Variants in SLK observed in about 807,000 individuals in gnomAD.
SLK encodes STE20 like kinase, also known as STE20-like serine/threonine-protein kinase.
SLK carries 67 observed loss-of-function variants against 147.7 expected under a neutral mutation model. The observed-to-expected ratio is 0.45, with a 90% CI of 0.37 to 0.56. The LOEUF (loss-of-function observed/expected upper bound fraction) is 0.56. Among genes scored for constraint, SLK ranks in the 20% least tolerant of loss-of-function variants. SLK has a pLI of 0.00. For synonymous variants in SLK, 441 were observed against 475.0 expected (o/e 0.93, Z 0.93); for missense variants, 1,136 against 1,438.8 (o/e 0.79, Z 3.41).
intron 4 of SLK, among the ~76,000 whole-genome samples, chr10:103,994,147 C>G (rs1489878749): frequency 6.6e-6 from 1 of 152,122 alleles, no homozygotes; most frequent in East Asian, 1.9e-4. Flanking sequence ...ATTCTTCTGC[C>G]TTGGGCCTCC....
At chr10:104,014,422 A>G (rs910303430) in intron 13 of SLK, among the ~76,000 whole-genome samples, 6 of 152,168 alleles carry the variant, frequency 3.9e-5, no homozygotes, top group Non-Finnish European at 5.9e-5. Context: ...TTTGTTTGTG[A>G]CGTCTGATAT....
rs986721850 is a variant in SLK at position 104,025,814 on chromosome 10, A to G, written c.*94A>G. The G allele has an allele frequency of 6.5e-6, 7 of 1,071,686 alleles. No individual in the cohort carries two copies. In the South Asian group the frequency reaches 1.2e-4, roughly 18 times the overall value. 66.4% of individuals were successfully genotyped at this position (1,071,686 alleles called of 1,614,324 possible). ...AGTCTCTCAGATAGCTCATGAAGACAATCACCTGCCTCACCTTCTAGGTGT... is the reference window on the plus strand; with the variant it reads ...AGTCTCTCAGATAGCTCATGAAGACGATCACCTGCCTCACCTTCTAGGTGT... On this transcript the variant is annotated 3_prime_UTR_variant, in exon 19 of 19. Transcript: ENST00000369755.
At chr10:104,000,626 G>A (rs805653) in intron 7 of SLK, among the ~76,000 whole-genome samples, 32,476 of 152,062 alleles carry the variant, frequency 0.21, 3,846 homozygotes, top group African/African-American at 0.32. Flanking sequence ...ACAAAGATGA[G>A]TAAAATGGCT....
chr10:103,976,526 G>A (rs10883958), intron 1 of SLK, among the ~76,000 whole-genome samples: 114,233 of 151,630 alleles, frequency 0.75, 43,577 homozygotes, highest in East Asian at 0.86. Flanking sequence ...GCCTTTTTAT[G>A]TGCTTATTCA....
chr10:103,984,588 A>G (rs939519927), intron 1 of SLK, among the ~76,000 whole-genome samples: 6 of 151,926 alleles, frequency 3.9e-5, no homozygotes, highest in African/African-American at 1.2e-4. Flanking sequence ...TAATTTTTGT[A>G]TTTTTTGGTA....
intron 6 of SLK, 27 bp from the exon 7 acceptor site, chr10:103,999,840 A>G: frequency 1.1e-6 from 1 of 940,122 alleles, no homozygotes. Flanking sequence ...AAAGTAAAAT[A>G]GAATGTTGTT....
At chr10:103,995,423 C>CTTTTTTTTTTTTTTTTTTTTTTTTTTTT (rs756975426) in intron 4 of SLK, among the ~76,000 whole-genome samples, 4 of 67,708 alleles carry the variant, frequency 5.9e-5, no homozygotes, top group Non-Finnish European at 1.1e-4. Context: ...TCTTTCTTTT[C>CTTTTTTTTTTTTTTTTTTTTTTTTTTTT]TTTTTTTTTT....
intron 1 of SLK, among the ~76,000 whole-genome samples, chr10:103,977,407 T>G (rs1843885577): frequency 6.6e-6 from 1 of 152,106 alleles, no homozygotes; most frequent in South Asian, 2.1e-4. Context: ...GCCCAGGAAT[T>G]CAAGAACAGC....
Position 104,002,862 on chromosome 10 carries a change from G to C in SLK, c.1684G>C (p.Asp562His), listed in dbSNP as rs767100772. The change falls in exon 9 of 19, where the codon GAT (aspartate) becomes CAT (histidine). Residue 562 changes from aspartate to histidine, a missense_variant. This residue lies in a region of SLK where 516 missense variants were observed against 531.3 expected (regional missense o/e 0.97). Transcript: ENST00000369755. ...CEAADVAQKV[D>H]EDSAEDTQSN... ...GGCAGCAGATGTGGCTCAGAAAGTGGATGAAGACAGTGCTGAGGATACGCA... is the reference window on the plus strand; with the variant it reads ...GGCAGCAGATGTGGCTCAGAAAGTGCATGAAGACAGTGCTGAGGATACGCA... 3 of 1,613,982 alleles carry C rather than the reference G, an allele frequency of 1.9e-6. No homozygotes were observed. The highest frequency in any genetic ancestry group is 2.5e-6 in the Non-Finnish European group (3 of 1,180,020).
chr10:103,982,418 A>G (rs993101589), intron 1 of SLK, among the ~76,000 whole-genome samples: 6 of 152,220 alleles, frequency 3.9e-5, no homozygotes, highest in African/African-American at 1.2e-4. Flanking sequence ...TTGTTGCTAT[A>G]TTTTGACTGA....
intron 1 of SLK, among the ~76,000 whole-genome samples, chr10:103,973,298 C>T (rs922964446): frequency 6.6e-6 from 1 of 152,120 alleles, no homozygotes; most frequent in Non-Finnish European, 1.5e-5. Context: ...AAAATAATTC[C>T]CCACTGCTCT....
At position 104,003,117 on chromosome 10, in the gene SLK, A is replaced by G. The variant is rs1448373019; in HGVS notation, c.1939A>G (p.Ser647Gly). ...AGGTGAAGAAATCACTGAGTCAAGTAGCACTGAAGAAATGGAGGTCAGAAG... is the reference window on the plus strand; with the variant it reads ...AGGTGAAGAAATCACTGAGTCAAGTGGCACTGAAGAAATGGAGGTCAGAAG... ...TEGEEITESS[S>G]TEEMEVRSVV... is the part of the protein sequence containing the mutation. Residue 647 changes from serine to glycine, a missense_variant, in exon 9 of 19, where the codon AGC (serine) becomes GGC (glycine). Physicochemically the swap from Ser to Gly is moderately conservative, Grantham distance 56 (BLOSUM62 0). Transcript: ENST00000369755. 1.2e-6 allele frequency: 2 copies of G among 1,614,200 alleles called. No individual in the cohort carries two copies. The highest frequency in any genetic ancestry group is 1.7e-6 in the Non-Finnish European group (2 of 1,180,026).
chr10:104,025,737 G>T lies in SLK; in HGVS notation c.*17G>T, dbSNP rs1257476590. On this transcript the variant is annotated 3_prime_UTR_variant, in exon 19 of 19. Coordinates refer to ENST00000369755, the MANE Select transcript of SLK (RefSeq NM_014720.4). ...GGATCATAACAAAGGGAAGCATTCT[G>T]TGCGTGGGTTTGGCTCTTTCAGTAT... 6.2e-7 allele frequency: 1 copy of T among 1,612,502 alleles called. No homozygotes were observed. The highest frequency in any genetic ancestry group is 2.2e-5 in the East Asian group (1 of 44,856).
intron 4 of SLK, among the ~76,000 whole-genome samples, chr10:103,995,857 G>A (rs1349357377): frequency 6.6e-6 from 1 of 152,178 alleles, no homozygotes; most frequent in African/African-American, 2.4e-5. Context: ...AAAGGACAGA[G>A]CTAGAACCCT....
intron 1 of SLK, among the ~76,000 whole-genome samples, chr10:103,973,799 T>C (rs935208169): frequency 1.3e-5 from 2 of 152,232 alleles, no homozygotes; most frequent in African/African-American, 4.8e-5. Context: ...ATGGAAAACA[T>C]ATTTTTTAAG....
At chr10:104,007,185 T>C (rs1844338234) in intron 11 of SLK, among the ~76,000 whole-genome samples, 1 of 152,142 alleles carries the variant, frequency 6.6e-6, no homozygotes, top group Non-Finnish European at 1.5e-5. Flanking sequence ...TCAAATAAGC[T>C]CTTTGATTTA....
At chr10:103,989,749 T>G (rs931792076) in intron 1 of SLK, among the ~76,000 whole-genome samples, 4 of 152,308 alleles carry the variant, frequency 2.6e-5, no homozygotes, top group Non-Finnish European at 5.9e-5. Flanking sequence ...ATTACAGGCG[T>G]GAGCCACCGC....
Position 104,026,463 on chromosome 10 carries a change from T to G in SLK, c.*743T>G, listed in dbSNP as rs994586577. Reference sequence around the variant, plus strand: ...TGGAATTTTTGCTTCTCTTACCGTTTGATAGAAATTTTCATCCTAAAATAC... The same window carrying G: ...TGGAATTTTTGCTTCTCTTACCGTTGGATAGAAATTTTCATCCTAAAATAC... On this transcript the variant is annotated 3_prime_UTR_variant, in exon 19 of 19. Transcript: ENST00000369755. The G allele has an allele frequency of 6.6e-6, 1 of 152,272 alleles. No individual in the cohort carries two copies. The highest frequency in any genetic ancestry group is 2.4e-5 in the African/African-American group (1 of 41,444). 9.4% of individuals were successfully genotyped at this position (152,272 alleles called of 1,614,324 possible).
At chr10:104,022,279 G>A (rs376139108) in intron 18 of SLK, among the ~76,000 whole-genome samples, 1 of 152,078 alleles carries the variant, frequency 6.6e-6, no homozygotes, top group African/African-American at 2.4e-5. Context: ...AGGTCAACTG[G>A]AGCCATATTA....
Sources: gnomAD v4.1 joint callset for allele counts (sites outside exome capture counted in the v4.1 genomes callset) on GRCh38, gnomAD v4.1.1 for gene constraint, gnomAD v4.1.1 regional missense constraint, MANE v1.5 for transcripts, NCBI Gene and HGNC (gene_info 2026-07-23, HGNC 2026-07-21) for gene names.